SIPA1L2: variants seen among roughly 807,000 people sequenced by gnomAD.
SIPA1L2 encodes signal induced proliferation associated 1 like 2.
A neutral mutation model predicts 163.9 loss-of-function variants in SIPA1L2; 56 were observed. The ratio of observed to expected loss-of-function variants is 0.34; its 90% CI spans 0.28 to 0.43. SIPA1L2 has a LOEUF of 0.43. SIPA1L2 is among the 20% of genes least tolerant of loss of function. The probability of loss-of-function intolerance (pLI) is 1.00; values close to 1 mark genes in which losing one functional copy is unlikely to be tolerated. For missense variants in SIPA1L2, 1,974 were observed against 2,193.5 expected, an observed-to-expected ratio of 0.90 and a Z score of 2.00; for synonymous variants, 877 against 865.7, an observed-to-expected ratio of 1.01 and a Z score of -0.23.
At chr1:232,591,513 G>A (rs769409509) in intron 1 of SIPA1L2, among the ~76,000 whole-genome samples, 1 of 152,266 alleles carries the variant, frequency 6.6e-6, no homozygotes, top group African/African-American at 2.4e-5. Flanking sequence ...CCTCTGGCTG[G>A]TCTCCAGGGA....
chr1:232,475,025 AAG>A (rs1664971313), intron 7 of SIPA1L2, among the ~76,000 whole-genome samples: 1 of 152,204 alleles, frequency 6.6e-6, no homozygotes, highest in African/African-American at 2.4e-5. Flanking sequence ...AGAAGCTCAT[AAG>A]AGTCAGAGAA....
At chr1:232,444,873 G>A (rs186090649) in intron 11 of SIPA1L2, among the ~76,000 whole-genome samples, 102 of 152,230 alleles carry the variant, frequency 6.7e-4, no homozygotes, top group African/African-American at 2.3e-3. Context: ...TGGCATTACC[G>A]TGCCTACATG....
chr1:232,591,860 G>A (rs1660984433), intron 1 of SIPA1L2, among the ~76,000 whole-genome samples: 1 of 152,144 alleles, frequency 6.6e-6, no homozygotes, highest in African/African-American at 2.4e-5. Flanking sequence ...CACTTCTTAT[G>A]TTCTAATTTT....
At chr1:232,522,038 G>A (rs1013881901) in intron 2 of SIPA1L2, among the ~76,000 whole-genome samples, 1 of 152,012 alleles carries the variant, frequency 6.6e-6, no homozygotes, top group Non-Finnish European at 1.5e-5. Flanking sequence ...CAAACACCCA[G>A]TGCTCATCCT....
chr1:232,479,525 CCTCA>C (rs1665216238), intron 7 of SIPA1L2, 98 bp downstream of exon 7: 1 of 903,782 alleles, frequency 1.1e-6, no homozygotes, highest in Admixed American at 1.9e-5. Context: ...CAAGAAAAAC[CCTCA>C]CTGATTCTTT....
chr1:232,606,689 A>G (rs914171540), intron 1 of SIPA1L2, among the ~76,000 whole-genome samples: 1 of 149,918 alleles, frequency 6.7e-6, no homozygotes, highest in Non-Finnish European at 1.5e-5. Flanking sequence ...ACTAATTTCA[A>G]TGCCTTTAAA....
At chr1:232,489,129 C>G (rs1002847906) in intron 5 of SIPA1L2, among the ~76,000 whole-genome samples, 4 of 152,150 alleles carry the variant, frequency 2.6e-5, no homozygotes, top group African/African-American at 7.2e-5. Flanking sequence ...CTTCATCCAC[C>G]AGGCACCTGC....
intron 10 of SIPA1L2, among the ~76,000 whole-genome samples, chr1:232,458,516 A>T (rs1664052946): frequency 6.6e-6 from 1 of 152,236 alleles, no homozygotes; most frequent in Non-Finnish European, 1.5e-5. Context: ...AGCTTTAAAA[A>T]TTTCTTACTA....
rs1663039642 is a variant in SIPA1L2, at chr1:232,443,692, G to A, written c.3354-7C>T. 2 of 1,605,628 alleles carry A rather than the reference G, an allele frequency of 1.2e-6. No individual in the cohort carries two copies. The highest frequency in any genetic ancestry group is 1.7e-5 in the Admixed American group (1 of 58,764). ...CTGGTTGCTGGGTGAGCTTCTGAAA[G>A]GTTGAGTAGAATCATTAACAGGGCA... On this transcript the variant is annotated splice_polypyrimidine_tract_variant and splice_region_variant and intron_variant, in intron 11 of 22. Coordinates refer to ENST00000674635, the MANE Select transcript of SIPA1L2 (RefSeq NM_020808.5).
chr1:232,435,001 G>C (rs1049711320), intron 15 of SIPA1L2, among the ~76,000 whole-genome samples: 13 of 152,082 alleles, frequency 8.5e-5, no homozygotes, highest in African/African-American at 2.4e-4. Context: ...GTCCCAATAA[G>C]GCTTATGGCC....
chr1:232,624,789 A>C (rs1396929316), intron 1 of SIPA1L2, among the ~76,000 whole-genome samples: 2 of 152,238 alleles, frequency 1.3e-5, no homozygotes, highest in Non-Finnish European at 2.9e-5. Flanking sequence ...TTAGTAAAAT[A>C]GGAAGAGAAG....
chr1:232,608,010 G>A (rs184058016), intron 1 of SIPA1L2, among the ~76,000 whole-genome samples: 56 of 130,250 alleles, frequency 4.3e-4, no homozygotes, highest in Middle Eastern at 4.7e-3. Flanking sequence ...AGCCGAGATC[G>A]CACTCCAGCC....
intron 19 of SIPA1L2, among the ~76,000 whole-genome samples, chr1:232,407,307 G>A (rs1660699102): frequency 6.6e-6 from 1 of 151,970 alleles, no homozygotes; most frequent in African/African-American, 2.4e-5. Context: ...ACCACTAGGA[G>A]TTACTCAGTA....
At chr1:232,530,009 A>G (rs1478380543) in intron 2 of SIPA1L2, among the ~76,000 whole-genome samples, 1 of 152,196 alleles carries the variant, frequency 6.6e-6, no homozygotes, top group African/African-American at 2.4e-5. Context: ...TGATTAAAGC[A>G]TAACTTCTCT....
chr1:232,453,762 T>A (rs894156948), intron 10 of SIPA1L2, among the ~76,000 whole-genome samples: 1 of 151,350 alleles, frequency 6.6e-6, no homozygotes, highest in African/African-American at 2.4e-5. Flanking sequence ...TTTTTTTTTT[T>A]TGAAAACCAT....
At chr1:232,533,673 G>C (rs781041373) in intron 2 of SIPA1L2, among the ~76,000 whole-genome samples, 17 of 152,148 alleles carry the variant, frequency 1.1e-4, no homozygotes, top group Non-Finnish European at 2.4e-4. Flanking sequence ...AAGGCAGAAG[G>C]GGATAAAGAA....
intron 1 of SIPA1L2, among the ~76,000 whole-genome samples, chr1:232,627,204 G>A (rs7540441): frequency 1.3e-5 from 2 of 152,070 alleles, no homozygotes; most frequent in East Asian, 1.9e-4. Context: ...AAAAAATAAC[G>A]CTGCATTTAC....
chr1:232,515,334 A>G lies in SIPA1L2; in HGVS notation c.6T>C (p.Ser2=). Residue 2 remains serine, a synonymous_variant, in exon 3 of 23, where the codon AGT becomes AGC. Transcript: ENST00000674635. ...TCTCTTCTTGTGACTGCCTTGGGTC[A>G]CTCATGTCTACCGAGGAAGAGCCTC... M[S]DPRQSQEEKH... is the part of the protein sequence containing the mutation. 1.3e-6 allele frequency: 2 copies of G among 1,583,002 alleles called. No homozygotes were observed. The highest frequency in any genetic ancestry group is 8.6e-7 in the Non-Finnish European group (1 of 1,163,926).
chr1:232,398,508 A>G lies in SIPA1L2; in HGVS notation c.*619T>C, dbSNP rs1039088174. Reference sequence around the variant, plus strand: ...AGGCACCATTTGTTCCTGCAAATAAATAAGTCTCTAAGGTAACTGCATCTG... The same window carrying G: ...AGGCACCATTTGTTCCTGCAAATAAGTAAGTCTCTAAGGTAACTGCATCTG... On this transcript the variant is annotated 3_prime_UTR_variant, in exon 23 of 23. Transcript: ENST00000674635. The G allele has an allele frequency of 1.3e-5, 2 of 152,444 alleles. No homozygotes were observed. Among genetic ancestry groups the G allele is most frequent in the Admixed American group, 6.5e-5 (1 of 15,268 alleles). 9.4% of individuals were successfully genotyped at this position (152,444 alleles called of 1,614,324 possible).
Sources: allele counts gnomAD v4.1 joint callset (sites outside exome capture counted in the v4.1 genomes callset), GRCh38; gene constraint gnomAD v4.1.1; transcripts MANE v1.5; gene names NCBI Gene and HGNC (gene_info 2026-07-23, HGNC 2026-07-21).